EHF: variants seen among roughly 807,000 people sequenced by gnomAD.
EHF encodes the protein ETS homologous factor, also known as ESE3 transcription factor.
EHF carries 14 observed loss-of-function variants against 45.1 expected under a neutral mutation model. The ratio of observed to expected loss-of-function variants is 0.31; its 90% CI spans 0.21 to 0.49. EHF has a LOEUF of 0.49. EHF is among the 20% of genes least tolerant of loss of function. EHF has a pLI of 0.99. For synonymous variants in EHF, 136 were observed against 131.8 expected (o/e 1.03, Z -0.22); for missense variants, 282 against 371.4 (o/e 0.76, Z 1.98).
chr11:34,652,999 A>G (rs1184575224), intron 6 of EHF, among the ~76,000 whole-genome samples: 1 of 152,168 alleles, frequency 6.6e-6, no homozygotes, highest in African/African-American at 2.4e-5. Context: ...TGTATTTGCT[A>G]TTCTGGGGGA....
intron 6 of EHF, among the ~76,000 whole-genome samples, chr11:34,656,641 C>G (rs753721945): frequency 6.6e-6 from 1 of 152,130 alleles, no homozygotes; most frequent in Non-Finnish European, 1.5e-5. Context: ...TCCTTTAGGT[C>G]GTGGAATCAG....
At chr11:34,649,204 C>T (rs866935399) in intron 4 of EHF, 123 bp downstream of exon 4, 1 of 945,804 alleles carries the variant, frequency 1.1e-6, no homozygotes, top group South Asian at 1.5e-5. Context: ...GGCCTTTTCC[C>T]TGGCTGTCTC....
At chr11:34,639,100 T>G (rs142648428) in intron 1 of EHF, among the ~76,000 whole-genome samples, 2 of 152,166 alleles carry the variant, frequency 1.3e-5, no homozygotes, top group Admixed American at 1.3e-4. Flanking sequence ...CTCTCCCATT[T>G]CTAAACCAGT....
rs373692532 is a variant in EHF at position 34,649,065 on chromosome 11, C to G, written c.390C>G (p.Val130=). 2 of 1,613,920 alleles carry G rather than the reference C, an allele frequency of 1.2e-6. No individual in the cohort carries two copies. The highest frequency in any genetic ancestry group is 1.1e-5 in the South Asian group (1 of 91,046). The change falls in exon 4 of 9, where the codon GTC becomes GTG. Residue 130 remains valine, a synonymous_variant. Transcript: ENST00000257831. ...DLFQSTHNVI[V]KTEQTEPSIM... is the part of the protein sequence containing the mutation. Reference sequence around the variant, plus strand: ...TCCAGTCCACACACAATGTCATTGTCAAGACTGAACAAACTGGTGAGTAGT... The same window carrying G: ...TCCAGTCCACACACAATGTCATTGTGAAGACTGAACAAACTGGTGAGTAGT...
At chr11:34,644,503 G>A (rs186174109) in intron 2 of EHF, among the ~76,000 whole-genome samples, 2 of 152,330 alleles carry the variant, frequency 1.3e-5, no homozygotes, top group East Asian at 3.9e-4. Flanking sequence ...GCCAGGGGCT[G>A]CTTTTGTTTC....
Position 34,645,203 on chromosome 11 carries a change from G to A in EHF, c.98-1236G>A, listed in dbSNP as rs114946221. ...GTCTTTTCCATTGCCGCAGAACTTCGGGCAGACTATGGAATGTTTTTTTAA... is the reference window on the plus strand; with the variant it reads ...GTCTTTTCCATTGCCGCAGAACTTCAGGCAGACTATGGAATGTTTTTTTAA... On this transcript the variant is annotated intron_variant, in intron 2 of 8. Coordinates refer to ENST00000257831, the MANE Select transcript of EHF (RefSeq NM_012153.6). 6.3e-3 allele frequency among the ~76,000 whole-genome samples: 951 copies of A among 152,136 alleles called. 10 individuals are homozygous for A. The highest frequency in any genetic ancestry group is 0.022 in the African/African-American group (897 of 41,484).
Position 34,661,020 on chromosome 11 carries a change from G to A in EHF, c.*2089G>A, listed in dbSNP as rs1009583039. On this transcript the variant is annotated 3_prime_UTR_variant, in exon 9 of 9. Transcript: ENST00000257831. ...GTCACTTCTGTAAAGGTTTAACTTA[G>A]TGTTGTCAAGTAACAGTTACTGAAA... 4 of 152,084 alleles carry A rather than the reference G, an allele frequency of 2.6e-5. No homozygotes were observed. The highest frequency in any genetic ancestry group is 7.2e-5 in the African/African-American group (3 of 41,420). 9.4% of individuals were successfully genotyped at this position (152,084 alleles called of 1,614,324 possible).
At chr11:34,632,635 G>A (rs2134018302) in intron 1 of EHF, 3 of 1,535,642 alleles carry the variant, frequency 2.0e-6, no homozygotes, top group Non-Finnish European at 1.7e-6. Flanking sequence ...TTTAAGCCTA[G>A]CTGAAATTCT....
At position 34,646,687 on chromosome 11, in the gene EHF, G is replaced by A. The variant is rs113811915; in HGVS notation, c.343+3G>A. On this transcript the variant is annotated splice_donor_region_variant and intron_variant, in intron 3 of 8. Coordinates refer to ENST00000257831, the MANE Select transcript of EHF (RefSeq NM_012153.6). The stretch of plus-strand genomic sequence containing the variant: ...CTTGCAGCATCTGAAGTGGAACGGT[G>A]ACTCTCTCTTTCTGTGTCTCTCCCT... 1.2e-6 allele frequency: 2 copies of A among 1,607,894 alleles called. No homozygotes were observed. Among genetic ancestry groups the A allele is most frequent in the Non-Finnish European group, 1.7e-6 (2 of 1,179,946 alleles).
chr11:34,655,149 A>C (rs139834800), intron 6 of EHF, among the ~76,000 whole-genome samples: 24 of 152,264 alleles, frequency 1.6e-4, no homozygotes, highest in African/African-American at 5.5e-4. Context: ...ATTTCAGAGA[A>C]ACCCAAGTCA....
intron 1 of EHF, among the ~76,000 whole-genome samples, chr11:34,623,133 T>C (rs773683528): frequency 6.6e-6 from 1 of 152,170 alleles, no homozygotes; most frequent in South Asian, 2.1e-4. Context: ...TCGCCCAGCC[T>C]GGAGTGCAGT....
chr11:34,646,585 G>A lies in EHF; in HGVS notation c.244G>A (p.Gly82Ser), dbSNP rs1854564388. ...CIPFQEFDINGEHLCSMSLQE... is the reference protein window; with the variant it reads ...CIPFQEFDINSEHLCSMSLQE... ...CCCTTTCCAAGAGTTCGACATCAACGGCGAGCACCTCTGCAGCATGAGTTT... is the reference window on the plus strand; with the variant it reads ...CCCTTTCCAAGAGTTCGACATCAACAGCGAGCACCTCTGCAGCATGAGTTT... Residue 82 changes from glycine to serine, a missense_variant, in exon 3 of 9, where the codon GGC (glycine) becomes AGC (serine). By Grantham distance (56) the Gly-to-Ser change is moderately conservative. Transcript: ENST00000257831. The A allele has an allele frequency of 2.5e-6, 4 of 1,613,700 alleles. No homozygotes were observed. Among genetic ancestry groups the A allele is most frequent in the Non-Finnish European group, 3.4e-6 (4 of 1,179,812 alleles).
intron 6 of EHF, among the ~76,000 whole-genome samples, chr11:34,656,406 AC>A (rs1420283851): frequency 2.0e-5 from 3 of 151,552 alleles, no homozygotes; most frequent in South Asian, 2.1e-4. Context: ...AAAAAAAAAA[AC>A]CACAAATTTT....
chr11:34,649,219 G>A (rs767451287), intron 4 of EHF, 138 bp downstream of exon 4: 1 of 789,184 alleles, frequency 1.3e-6, no homozygotes, highest in Non-Finnish European at 2.1e-6. Context: ...TGTCTCTGAT[G>A]GGCCACCCCC....
At chr11:34,625,217 TA>T (rs1049128381) in intron 1 of EHF, among the ~76,000 whole-genome samples, 1 of 152,158 alleles carries the variant, frequency 6.6e-6, no homozygotes, top group African/African-American at 2.4e-5. Context: ...CTGGAGCCTT[TA>T]TTAAGGATGT....
At chr11:34,631,376 G>T (rs1852874170) in intron 1 of EHF, 1 of 156,918 alleles carries the variant, frequency 6.4e-6, no homozygotes, top group Admixed American at 6.5e-5. Context: ...TGTGCTGAAG[G>T]CTGAGTGCTG....
chr11:34,642,572 C>T, intron 1 of EHF, 56 bp from the exon 2 acceptor site: 1 of 1,116,442 alleles, frequency 9.0e-7, no homozygotes, highest in Non-Finnish European at 1.4e-6. Flanking sequence ...TCTGCACTTT[C>T]CAATGACATT....
intron 6 of EHF, 67 bp from the exon 7 acceptor site, chr11:34,656,841 G>T: frequency 6.5e-7 from 1 of 1,550,124 alleles, no homozygotes; most frequent in South Asian, 1.2e-5. Context: ...TAAATGAGTG[G>T]ATGCATGAAT....
chr11:34,626,878 A>G, intron 1 of EHF, among the ~76,000 whole-genome samples: 1 of 152,226 alleles, frequency 6.6e-6, no homozygotes. Flanking sequence ...AGTGAGTTAT[A>G]TAAGCTCTAG....
Sources: allele counts gnomAD v4.1 joint callset (sites outside exome capture counted in the v4.1 genomes callset), GRCh38; gene constraint gnomAD v4.1.1; transcripts MANE v1.5; gene names NCBI Gene and HGNC (gene_info 2026-07-23, HGNC 2026-07-21).